The following TBC1D4 variants were observed in gnomAD, a reference collection of about 807,000 sequenced individuals.
The protein encoded by TBC1D4 is TBC (Tre-2, BUB2, CDC16) domain-containing protein.
TBC1D4 carries 121 observed loss-of-function variants against 142.5 expected under a neutral mutation model. The observed-to-expected ratio is 0.85, with a 90% CI of 0.73 to 0.99. The LOEUF is 0.99. Among genes scored for constraint, TBC1D4 ranks in the 50% least tolerant of loss-of-function variants. TBC1D4 has a pLI of 0.00. For synonymous variants in TBC1D4, 630 were observed against 628.2 expected (o/e 1.00, Z -0.04); for missense variants, 1,475 against 1,606.6 (o/e 0.92, Z 1.40).
intron 1 of TBC1D4, among the ~76,000 whole-genome samples, chr13:75,460,370 A>C (rs796523891): frequency 4.6e-5 from 7 of 152,324 alleles, no homozygotes; most frequent in African/African-American, 1.7e-4. Context: ...ATTGATATCA[A>C]GAAGACTACA....
chr13:75,407,235 T>C (rs950622913), intron 1 of TBC1D4, among the ~76,000 whole-genome samples: 1 of 152,196 alleles, frequency 6.6e-6, no homozygotes, highest in Non-Finnish European at 1.5e-5. Context: ...TATCTGAGTG[T>C]TTACTAATGC....
chr13:75,329,394 C>T (rs1242651935), intron 8 of TBC1D4, among the ~76,000 whole-genome samples: 2 of 151,632 alleles, frequency 1.3e-5, no homozygotes, highest in East Asian at 1.9e-4. Context: ...TTACCCTCCC[C>T]TCCCCTTCCC....
chr13:75,307,911 T>C (rs1394570528), intron 14 of TBC1D4, among the ~76,000 whole-genome samples: 1 of 152,202 alleles, frequency 6.6e-6, no homozygotes, highest in Non-Finnish European at 1.5e-5. Flanking sequence ...TAAAAACAAA[T>C]ATACTCCTAT....
chr13:75,405,032 C>T (rs1488894989), intron 1 of TBC1D4, among the ~76,000 whole-genome samples: 2 of 152,088 alleles, frequency 1.3e-5, no homozygotes, highest in Non-Finnish European at 2.9e-5. Flanking sequence ...GGTAGGGTTG[C>T]AGTTTCCCCT....
At chr13:75,369,779 G>A (rs533344837) in intron 1 of TBC1D4, among the ~76,000 whole-genome samples, 1 of 152,262 alleles carries the variant, frequency 6.6e-6, no homozygotes, top group South Asian at 2.1e-4. Context: ...GACAATGAAA[G>A]CATTTAATAA....
At chr13:75,474,784 A>G (rs1383204679) in intron 1 of TBC1D4, among the ~76,000 whole-genome samples, 1 of 151,666 alleles carries the variant, frequency 6.6e-6, no homozygotes, top group Admixed American at 6.6e-5. Flanking sequence ...TTACAGGCGT[A>G]TGCCACCATA....
Position 75,306,382 on chromosome 13 carries a change from T to C in TBC1D4, c.2683A>G (p.Lys895Glu), listed in dbSNP as rs369089434. The change falls in exon 15 of 21, where the codon AAG becomes GAG. Residue 895 changes from lysine to glutamate, a missense_variant. This residue lies in a region of TBC1D4 where 1,227 missense variants were observed against 1,267.7 expected (regional missense o/e 0.97). Coordinates refer to ENST00000377636, the MANE Select transcript of TBC1D4 (RefSeq NM_014832.5). Reference protein sequence around the residue: ...CQKEVLITWDKKLLNCRAKIR... With the variant: ...CQKEVLITWDEKLLNCRAKIR... ...TTAGCTCTGCAGTTTAACAACTTCT[T>C]ATCCCAAGTTATTAAGACCTCTTTC... 79 of 1,613,264 alleles carry C rather than the reference T, an allele frequency of 4.9e-5. No individual in the cohort carries two copies. Among genetic ancestry groups the C allele is most frequent in the Admixed American group, 1.2e-4 (7 of 59,996 alleles).
intron 1 of TBC1D4, among the ~76,000 whole-genome samples, chr13:75,380,891 G>A (rs993777071): frequency 1.3e-5 from 2 of 151,926 alleles, no homozygotes; most frequent in Non-Finnish European, 2.9e-5. Flanking sequence ...ACTCCAAAAT[G>A]CCCTCTCTGT....
intron 17 of TBC1D4, among the ~76,000 whole-genome samples, chr13:75,296,076 TG>T (rs10715138): frequency 0.074 from 11,228 of 152,172 alleles, 560 homozygotes; most frequent in African/African-American, 0.14. Flanking sequence ...TACAAAAAAT[TG>T]TTTGTTCAAT....
At chr13:75,468,702 T>C (rs148138339) in intron 1 of TBC1D4, among the ~76,000 whole-genome samples, 289 of 152,326 alleles carry the variant, frequency 1.9e-3, no homozygotes, top group African/African-American at 6.7e-3. Flanking sequence ...TTAAACATGA[T>C]GAAAACTAAA....
chr13:75,367,183 A>G (rs1440360400), intron 1 of TBC1D4, among the ~76,000 whole-genome samples: 1 of 152,244 alleles, frequency 6.6e-6, no homozygotes, highest in Non-Finnish European at 1.5e-5. Context: ...GCAAAGCTTT[A>G]GCTTTCTTTA....
At chr13:75,448,925 T>A (rs984920543) in intron 1 of TBC1D4, among the ~76,000 whole-genome samples, 2 of 152,086 alleles carry the variant, frequency 1.3e-5, no homozygotes, top group Non-Finnish European at 2.9e-5. Flanking sequence ...TTATGTGAAA[T>A]TTTATAAAAG....
chr13:75,338,595 G>T (rs1025391252), intron 7 of TBC1D4, among the ~76,000 whole-genome samples: 1 of 152,072 alleles, frequency 6.6e-6, no homozygotes, highest in Non-Finnish European at 1.5e-5. Flanking sequence ...CCATCACAAA[G>T]AAATGCACAT....
At chr13:75,406,555 G>A (rs1202153677) in intron 1 of TBC1D4, among the ~76,000 whole-genome samples, 1 of 152,168 alleles carries the variant, frequency 6.6e-6, no homozygotes, top group African/African-American at 2.4e-5. Flanking sequence ...CTAAGTGTTG[G>A]TGAGGATAAG....
chr13:75,416,997 G>T (rs1253520548), intron 1 of TBC1D4, among the ~76,000 whole-genome samples: 1 of 152,162 alleles, frequency 6.6e-6, no homozygotes, highest in Non-Finnish European at 1.5e-5. Context: ...TGCTTGCTCT[G>T]CTCATAGGTG....
chr13:75,481,456 GC>G lies in TBC1D4; in HGVS notation c.311del (p.Gly104AlafsTer39), dbSNP rs749748051. The G allele has an allele frequency of 3.7e-6, 6 of 1,613,570 alleles. No individual in the cohort carries two copies. The African/African-American group carries it at 5.3e-5, about 14-fold the overall frequency. ...TGGGCTGCGTGGCCGACGGACTAGTGCCCCCCGAGGCCCCAGCGCCCGGCGC... is the reference window on the plus strand; with the variant it reads ...TGGGCTGCGTGGCCGACGGACTAGTGCCCCCGAGGCCCCAGCGCCCGGCGC... ...VPAPGAGASGGTSPSATQPNP... is the reference protein window; with the variant it reads ...VPAPGAGASGXTSPSATQPNP... On this transcript the variant is annotated frameshift_variant, in exon 1 of 21. Transcript: ENST00000377636. LOFTEE classifies it high-confidence loss of function.
At chr13:75,316,865 G>C (rs754392873) in intron 12 of TBC1D4, among the ~76,000 whole-genome samples, 3 of 152,166 alleles carry the variant, frequency 2.0e-5, no homozygotes, top group Non-Finnish European at 4.4e-5. Flanking sequence ...ACTTAGGTAA[G>C]AAAGCATAAT....
chr13:75,324,404 G>T lies in TBC1D4; in HGVS notation c.2034-3C>A, dbSNP rs1220492599. ...TGCGTCGAACTGACGAAAGATTGCT[G>T]AGTACAGAAAATACAGCAAATATGT... On this transcript the variant is annotated splice_region_variant and splice_polypyrimidine_tract_variant and intron_variant, in intron 10 of 20. Coordinates refer to ENST00000377636, the MANE Select transcript of TBC1D4 (RefSeq NM_014832.5). The T allele has an allele frequency of 1.2e-6, 2 of 1,613,772 alleles. No individual in the cohort carries two copies. The highest frequency in any genetic ancestry group is 2.2e-5 in the East Asian group (1 of 44,834).
chr13:75,381,268 C>T (rs1883831769), intron 1 of TBC1D4, among the ~76,000 whole-genome samples: 1 of 152,094 alleles, frequency 6.6e-6, no homozygotes, highest in Non-Finnish European at 1.5e-5. Context: ...CATCATGTCC[C>T]ACAAACACCA....
Sources: gnomAD v4.1 joint callset for allele counts (sites outside exome capture counted in the v4.1 genomes callset) on GRCh38, gnomAD v4.1.1 for gene constraint, gnomAD v4.1.1 regional missense constraint, MANE v1.5 for transcripts, NCBI Gene and HGNC (gene_info 2026-07-23, HGNC 2026-07-21) for gene names.